The following RLBP1 variants were observed in gnomAD, a reference collection of about 807,000 sequenced individuals.
RLBP1 encodes the protein retinaldehyde binding protein 1, also known as retinaldehyde-binding protein 1.
A neutral mutation model predicts 36.2 loss-of-function variants in RLBP1; 26 were observed. The ratio of observed to expected loss-of-function variants is 0.72; its 90% CI spans 0.53 to 1.00. RLBP1 has a LOEUF of 1.00. Among genes scored for constraint, RLBP1 ranks in the 50% least tolerant of loss-of-function variants. RLBP1 has a pLI of 0.00. For missense variants in RLBP1, 410 were observed against 402.4 expected (o/e 1.02, Z -0.16); for synonymous variants, 155 against 156.2 (o/e 0.99, Z 0.06).
At chr15:89,220,099 T>C (rs1224803510) in intron 1 of RLBP1, among the ~76,000 whole-genome samples, 1 of 152,186 alleles carries the variant, frequency 6.6e-6, no homozygotes, top group East Asian at 1.9e-4. Flanking sequence ...TTCAATCACC[T>C]AGTCACAGTT....
chr15:89,217,334 G>T lies in RLBP1; in HGVS notation c.142-10C>A. 1 of 1,602,846 alleles carries T rather than the reference G, an allele frequency of 6.2e-7. No individual in the cohort carries two copies. Reference sequence around the variant, plus strand: ...TCAGCTCATCCTTGGCCTAGAACAGGGTGGGGTGTGCATGAAGTTAAACTT... The same window carrying T: ...TCAGCTCATCCTTGGCCTAGAACAGTGTGGGGTGTGCATGAAGTTAAACTT... On this transcript the variant is annotated splice_polypyrimidine_tract_variant and intron_variant, in intron 4 of 8. Coordinates refer to ENST00000268125, the MANE Select transcript of RLBP1 (RefSeq NM_000326.5).
At position 89,210,879 on chromosome 15, in the gene RLBP1, C is replaced by T; in HGVS notation, c.685-70G>A. The stretch of plus-strand genomic sequence containing the variant: ...CTCAGAGGCTCCCACTCATTCCCTG[C>T]TGCCTCTCCTCATGGCATAGAACAG... On this transcript the variant is annotated intron_variant, in intron 7 of 8. Coordinates refer to ENST00000268125, the MANE Select transcript of RLBP1 (RefSeq NM_000326.5). This position sits in a 1 kb window ranked among gnomAD's most constrained non-coding sequence, Gnocchi z 4.7. 9.7e-7 allele frequency: 1 copy of T among 1,026,974 alleles called. No individual in the cohort carries two copies. The highest frequency in any genetic ancestry group is 1.5e-6 in the Non-Finnish European group (1 of 676,364). 63.6% of individuals were successfully genotyped at this position (1,026,974 alleles called of 1,614,324 possible).
chr15:89,218,622 C>T lies in RLBP1; in HGVS notation c.84G>A (p.Lys28=), dbSNP rs1164513015. 1.2e-6 allele frequency: 2 copies of T among 1,614,242 alleles called. No homozygotes were observed. Among genetic ancestry groups the T allele is most frequent in the East Asian group, 4.5e-5 (2 of 44,882 alleles). The part of the protein sequence containing the change: ...LRAQLEQLTT[K]DHGPVFGPCS... ...ACGGGCCAAAGACAGGTCCATGGTC[C>T]TTGGTTGTGAGCTGCTCCAGTTGGG... Residue 28 remains lysine, a synonymous_variant, in exon 4 of 9, where the codon AAG becomes AAA. Coordinates refer to ENST00000268125, the MANE Select transcript of RLBP1 (RefSeq NM_000326.5). The surrounding 1 kb of genome is among the most constrained non-coding windows in gnomAD (Gnocchi z 4.6).
rs758050207 is a variant in RLBP1, at chr15:89,210,650, C to G, written c.795+49G>C. 1 of 1,401,604 alleles carries G rather than the reference C, an allele frequency of 7.1e-7. No homozygotes were observed. The highest frequency in any genetic ancestry group is 1.2e-5 in the South Asian group (1 of 81,258). The allele number at this position is 1,401,604 out of a possible 1,614,324, so 86.8% of individuals were successfully genotyped here. On this transcript the variant is annotated intron_variant, in intron 8 of 8. Transcript: ENST00000268125. The surrounding 1 kb of genome is among the most constrained non-coding windows in gnomAD (Gnocchi z 4.7). ...AGTGTGAGGAGGGCTCAGGTGAGGC[C>G]CCACCCTCAGCCCTCTTGTCTCATT...
intron 6 of RLBP1, among the ~76,000 whole-genome samples, chr15:89,212,778 G>C (rs1174944287): frequency 1.3e-5 from 2 of 151,530 alleles, no homozygotes; most frequent in East Asian, 1.9e-4. Flanking sequence ...ACCCAGGCTG[G>C]AGTGCAGTGG....
chr15:89,217,109 ACTGGCCTCACCT>A lies in RLBP1; in HGVS notation c.345_346+10del. On this transcript the variant is annotated splice_donor_variant and splice_donor_5th_base_variant and coding_sequence_variant and intron_variant, in exon 5 of 9. Transcript: ENST00000268125. LOFTEE classifies it high-confidence loss of function. ...TCTTCCCAGGGCCGTCCCTCCAAGC[ACTGGCCTCACCT>A]CTGAGCAGCTCATAGGCACGGCCCA... 4 of 1,612,676 alleles carry A rather than the reference ACTGGCCTCACCT, an allele frequency of 2.5e-6. No homozygotes were observed. Among genetic ancestry groups the A allele is most frequent in the Non-Finnish European group, 3.4e-6 (4 of 1,179,020 alleles).
chr15:89,217,998 G>C (rs1239389638), intron 4 of RLBP1, among the ~76,000 whole-genome samples: 1 of 152,136 alleles, frequency 6.6e-6, no homozygotes, highest in African/African-American at 2.4e-5. Context: ...CCCTTGAGAT[G>C]CCCAAGGAAG....
At position 89,211,789 on chromosome 15, in the gene RLBP1, G is replaced by C. The variant is rs142215175; in HGVS notation, c.638C>G (p.Ala213Gly). The change falls in exon 7 of 9, where the codon GCT (alanine) becomes GGT (glycine). Residue 213 changes from alanine to glycine, a missense_variant. Physicochemically the swap from Ala to Gly is moderately conservative, Grantham distance 60 (BLOSUM62 0). Coordinates refer to ENST00000268125, the MANE Select transcript of RLBP1 (RefSeq NM_000326.5). The surrounding 1 kb of genome is among the most constrained non-coding windows in gnomAD (Gnocchi z 5.8). ...CCTGAGATCTGAAGTCCGGAGACTAGCAGCCTGCTGCATGGTAAAGCCCTT... is the reference window on the plus strand; with the variant it reads ...CCTGAGATCTGAAGTCCGGAGACTACCAGCCTGCTGCATGGTAAAGCCCTT... ...NFKGFTMQQA[A>G]SLRTSDLRKM... 1.2e-4 allele frequency: 192 copies of C among 1,614,180 alleles called. 1 individual carries two copies. In the African/African-American group the frequency reaches 2.3e-3, roughly 20 times the overall value.
chr15:89,216,390 T>G (rs1486217187), intron 5 of RLBP1, among the ~76,000 whole-genome samples: 1 of 151,996 alleles, frequency 6.6e-6, no homozygotes, highest in Non-Finnish European at 1.5e-5. Flanking sequence ...TGGCACGATC[T>G]CAGCTCACCG....
chr15:89,214,396 G>A lies in RLBP1; in HGVS notation c.525+664C>T, dbSNP rs1352809395. ...GGATCGCTCGAACCCAGGAGGCGGA[G>A]GTTGCAGTGAGCTAAGATCATGCCA... On this transcript the variant is annotated intron_variant, in intron 6 of 8. Transcript: ENST00000268125. This position sits in a 1 kb window ranked among gnomAD's most constrained non-coding sequence, Gnocchi z 4.6. 6.6e-6 allele frequency among the ~76,000 whole-genome samples: 1 copy of A among 152,214 alleles called. No homozygotes were observed. Among genetic ancestry groups the A allele is most frequent in the African/African-American group, 2.4e-5 (1 of 41,458 alleles).
At chr15:89,216,280 G>A (rs78847438) in intron 5 of RLBP1, among the ~76,000 whole-genome samples, 8 of 151,754 alleles carry the variant, frequency 5.3e-5, no homozygotes, top group African/African-American at 1.7e-4. Flanking sequence ...GTCCACCAGT[G>A]CCCAAGATTC....
chr15:89,210,486 C>T lies in RLBP1; in HGVS notation c.796-43G>A. On this transcript the variant is annotated intron_variant, in intron 8 of 8. Transcript: ENST00000268125. This position sits in a 1 kb window ranked among gnomAD's most constrained non-coding sequence, Gnocchi z 4.7. ...AGACAGAACTGAGCAGGAGGAGGTG[C>T]CCTAAGGATGAGGGTTGAGGGAGGA... 6.2e-7 allele frequency: 1 copy of T among 1,610,100 alleles called. No individual in the cohort carries two copies. The highest frequency in any genetic ancestry group is 1.1e-5 in the South Asian group (1 of 90,906).
intron 5 of RLBP1, among the ~76,000 whole-genome samples, chr15:89,216,130 T>C (rs2051577478): frequency 6.6e-6 from 1 of 152,202 alleles, no homozygotes; most frequent in African/African-American, 2.4e-5. Flanking sequence ...GGCAGGGAAC[T>C]TGTCTGTTTT....
Position 89,211,911 on chromosome 15 carries a change from A to G in RLBP1, c.526-10T>C, listed in dbSNP as rs908860000. 2 of 1,614,130 alleles carry G rather than the reference A, an allele frequency of 1.2e-6. No homozygotes were observed. The highest frequency in any genetic ancestry group is 1.7e-6 in the Non-Finnish European group (2 of 1,180,016). On this transcript the variant is annotated splice_polypyrimidine_tract_variant and intron_variant, in intron 6 of 8. Coordinates refer to ENST00000268125, the MANE Select transcript of RLBP1 (RefSeq NM_000326.5). This position sits in a 1 kb window ranked among gnomAD's most constrained non-coding sequence, Gnocchi z 5.8. ...AATATGCCTGCAAGATCTTGGGCAC[A>G]GAGAGAACAGGCTGTAAGATCTAAC...
rs1010601961 is a variant in RLBP1 at position 89,210,689 on chromosome 15, A to T, written c.795+10T>A. 2 of 1,572,308 alleles carry T rather than the reference A, an allele frequency of 1.3e-6. No individual in the cohort carries two copies. Among genetic ancestry groups the T allele is most frequent in the East Asian group, 2.3e-5 (1 of 43,570 alleles). On this transcript the variant is annotated intron_variant, in intron 8 of 8. Transcript: ENST00000268125. This position sits in a 1 kb window ranked among gnomAD's most constrained non-coding sequence, Gnocchi z 4.7. ...TCTTGTCTCATTGTCTGGGCGGCCCACGTACTCACCCTCTCAAGCAGCTTG... is the reference window on the plus strand; with the variant it reads ...TCTTGTCTCATTGTCTGGGCGGCCCTCGTACTCACCCTCTCAAGCAGCTTG...
In RLBP1 at chr15:89,211,132, G is replaced by T. The variant is rs1348624667; in HGVS notation, c.685-323C>A. Among the ~76,000 whole-genome samples the T allele has an allele frequency of 6.6e-6, 1 of 152,076 alleles. No individual in the cohort carries two copies. The highest frequency in any genetic ancestry group is 1.5e-5 in the Non-Finnish European group (1 of 68,038). On this transcript the variant is annotated intron_variant, in intron 7 of 8. Coordinates refer to ENST00000268125, the MANE Select transcript of RLBP1 (RefSeq NM_000326.5). This position sits in a 1 kb window ranked among gnomAD's most constrained non-coding sequence, Gnocchi z 5.8. ...TTGGTGAGTTTTTTCAAACCCACTT[G>T]CCTGCCGAAGGGACTGCAAACTATT...
Position 89,211,907 on chromosome 15 carries a change from GCA to G in RLBP1, c.526-8_526-7del, listed in dbSNP as rs762606154. 2 of 1,614,098 alleles carry G rather than the reference GCA, an allele frequency of 1.2e-6. No homozygotes were observed. The highest frequency in any genetic ancestry group is 1.7e-6 in the Non-Finnish European group (2 of 1,179,978). ...AAGCAATATGCCTGCAAGATCTTGGGCACAGAGAGAACAGGCTGTAAGATCTA... is the reference window on the plus strand; with the variant it reads ...AAGCAATATGCCTGCAAGATCTTGGGCAGAGAGAACAGGCTGTAAGATCTA... On this transcript the variant is annotated splice_polypyrimidine_tract_variant and splice_region_variant and intron_variant, in intron 6 of 8. Coordinates refer to ENST00000268125, the MANE Select transcript of RLBP1 (RefSeq NM_000326.5). The surrounding 1 kb of genome is among the most constrained non-coding windows in gnomAD (Gnocchi z 5.8).
At chr15:89,215,551 T>G (rs961062006) in intron 5 of RLBP1, among the ~76,000 whole-genome samples, 7 of 152,224 alleles carry the variant, frequency 4.6e-5, no homozygotes, top group Admixed American at 1.3e-4. Context: ...TAATCATTAC[T>G]TGTTATTTTC....
chr15:89,217,089 C>T (rs1224687591), intron 5 of RLBP1, 31 bp downstream of exon 5: 1 of 1,610,560 alleles, frequency 6.2e-7, no homozygotes, highest in African/African-American at 1.3e-5. Context: ...TCCCGTCTTC[C>T]CAGGGCCGTC....
Sources: gnomAD v4.1 joint callset for allele counts (sites outside exome capture counted in the v4.1 genomes callset) on GRCh38, gnomAD v4.1.1 for gene constraint, Gnocchi (gnomAD v3.1) non-coding constraint, MANE v1.5 for transcripts, NCBI Gene and HGNC (gene_info 2026-07-23, HGNC 2026-07-21) for gene names.